The following FANCC variants were observed in gnomAD, a reference collection of about 807,000 sequenced individuals.
FANCC encodes Fanconi anemia group C protein.
Under a neutral mutation model 71.3 loss-of-function variants are expected in FANCC, and 55 were observed. The observed-to-expected ratio is 0.77, with a 90% CI of 0.62 to 0.97. The LOEUF (loss-of-function observed/expected upper bound fraction) is 0.97. FANCC is among the 50% of genes least tolerant of loss of function. The pLI, the probability that FANCC is intolerant of heterozygous loss-of-function variation, is 0.00. For synonymous variants in FANCC, 275 were observed against 244.9 expected (o/e 1.12, Z -1.15); for missense variants, 678 against 670.9 (o/e 1.01, Z -0.12).
intron 1 of FANCC, chr9:95,294,754 T>C: frequency 6.3e-7 from 1 of 1,594,154 alleles, no homozygotes; most frequent in Non-Finnish European, 8.5e-7. Flanking sequence ...GGAGTCTCAG[T>C]TCAGCTCTGT....
At chr9:95,186,137 T>C (rs999701471) in intron 4 of FANCC, among the ~76,000 whole-genome samples, 1 of 152,164 alleles carries the variant, frequency 6.6e-6, no homozygotes, top group Non-Finnish European at 1.5e-5. Flanking sequence ...GGTGGGGCCC[T>C]AGAATCTGCT....
intron 6 of FANCC, among the ~76,000 whole-genome samples, chr9:95,166,624 G>A (rs1831084271): frequency 1.3e-5 from 2 of 152,018 alleles, no homozygotes; most frequent in African/African-American, 2.4e-5. Context: ...AGTGATTTAT[G>A]TACACTCAGC....
chr9:95,231,218 G>C (rs1829989028), intron 4 of FANCC, among the ~76,000 whole-genome samples: 1 of 152,128 alleles, frequency 6.6e-6, no homozygotes, highest in Admixed American at 6.5e-5. Flanking sequence ...ACTTTTCTGA[G>C]ATCTATATGC....
chr9:95,304,938 T>G (rs1297487359), intron 1 of FANCC, among the ~76,000 whole-genome samples: 1 of 152,146 alleles, frequency 6.6e-6, no homozygotes, highest in Non-Finnish European at 1.5e-5. Context: ...TACTTGACAA[T>G]GCTTGGCTTC....
At chr9:95,178,163 C>G (rs886319238) in intron 4 of FANCC, among the ~76,000 whole-genome samples, 3 of 152,116 alleles carry the variant, frequency 2.0e-5, no homozygotes, top group Non-Finnish European at 4.4e-5. Context: ...GCTCTAGTCT[C>G]TTCTGTAGTG....
intron 4 of FANCC, among the ~76,000 whole-genome samples, chr9:95,185,300 G>A (rs1485425832): frequency 6.6e-6 from 1 of 152,140 alleles, no homozygotes; most frequent in East Asian, 1.9e-4. Flanking sequence ...TTAAAGGTAT[G>A]GTTTTACTTT....
intron 4 of FANCC, among the ~76,000 whole-genome samples, chr9:95,215,646 T>C (rs1828818784): frequency 6.6e-6 from 1 of 152,232 alleles, no homozygotes; most frequent in Non-Finnish European, 1.5e-5. Context: ...GCTATGTAGC[T>C]TCTGCCTGGT....
At chr9:95,233,336 G>A (rs747464327) in intron 4 of FANCC, among the ~76,000 whole-genome samples, 11 of 152,114 alleles carry the variant, frequency 7.2e-5, no homozygotes, top group Non-Finnish European at 1.0e-4. Flanking sequence ...AAGAGGAATC[G>A]CTAACATCCC....
chr9:95,232,538 A>C (rs1830070176), intron 4 of FANCC, among the ~76,000 whole-genome samples: 1 of 152,200 alleles, frequency 6.6e-6, no homozygotes, highest in South Asian at 2.1e-4. Context: ...TTTATTCATA[A>C]CATCCTTGAA....
chr9:95,301,734 CCT>C (rs1289922282), intron 1 of FANCC, among the ~76,000 whole-genome samples: 2 of 151,776 alleles, frequency 1.3e-5, no homozygotes, highest in Non-Finnish European at 1.5e-5. Context: ...GCATTTTTTC[CCT>C]GTGTTTTTCA....
intron 14 of FANCC, among the ~76,000 whole-genome samples, chr9:95,106,146 T>C (rs2071431173): frequency 6.6e-6 from 1 of 152,152 alleles, no homozygotes; most frequent in Non-Finnish European, 1.5e-5. Context: ...CTCTCCTTGC[T>C]GACAGCCATC....
chr9:95,313,679 A>G (rs2136433622), intron 1 of FANCC, among the ~76,000 whole-genome samples: 1 of 152,334 alleles, frequency 6.6e-6, no homozygotes, highest in South Asian at 2.1e-4. Context: ...AATATTACTA[A>G]TATTACCATG....
chr9:95,189,050 T>C (rs1024271985), intron 4 of FANCC, among the ~76,000 whole-genome samples: 6 of 152,226 alleles, frequency 3.9e-5, no homozygotes, highest in Non-Finnish European at 7.3e-5. Context: ...ACTGTGAATA[T>C]CAATTAAATA....
At chr9:95,300,337 T>C (rs1005798659) in intron 1 of FANCC, among the ~76,000 whole-genome samples, 1 of 150,760 alleles carries the variant, frequency 6.6e-6, no homozygotes, top group Non-Finnish European at 1.5e-5. Context: ...AGTAAAAGAC[T>C]AAAAGGAAAA....
intron 6 of FANCC, among the ~76,000 whole-genome samples, chr9:95,157,966 T>C (rs1047695619): frequency 6.6e-6 from 1 of 152,164 alleles, no homozygotes; most frequent in African/African-American, 2.4e-5. Context: ...CCAGTAATAA[T>C]CTCTGACTCT....
At chr9:95,205,248 G>C (rs1828049209) in intron 4 of FANCC, among the ~76,000 whole-genome samples, 1 of 151,888 alleles carries the variant, frequency 6.6e-6, no homozygotes, top group African/African-American at 2.4e-5. Context: ...TGTAAAAAAA[G>C]GTATAGTATA....
intron 7 of FANCC, among the ~76,000 whole-genome samples, chr9:95,149,217 G>C (rs965123594): frequency 6.6e-6 from 1 of 151,914 alleles, no homozygotes; most frequent in Non-Finnish European, 1.5e-5. Context: ...ATTAATAAGG[G>C]TTTAACAGAT....
chr9:95,140,533 G>C (rs1207002775), intron 7 of FANCC, among the ~76,000 whole-genome samples: 1 of 152,140 alleles, frequency 6.6e-6, no homozygotes, highest in Non-Finnish European at 1.5e-5. Flanking sequence ...TCACAAGAAA[G>C]GTTCTTGATG....
chr9:95,176,737 C>T (rs1387851881), intron 4 of FANCC, among the ~76,000 whole-genome samples: 2 of 152,230 alleles, frequency 1.3e-5, no homozygotes, highest in Non-Finnish European at 2.9e-5. Flanking sequence ...AAAATTAGAG[C>T]GCAAGGCGCT....
Sources: gnomAD v4.1 joint callset for allele counts (sites outside exome capture counted in the v4.1 genomes callset) on GRCh38, gnomAD v4.1.1 for gene constraint, MANE v1.5 for transcripts, NCBI Gene and HGNC (gene_info 2026-07-23, HGNC 2026-07-21) for gene names.